Variants in FNIP2 observed in about 807,000 individuals in gnomAD.
FNIP2 encodes the protein folliculin-interacting protein 2.
In FNIP2, 32 loss-of-function variants were observed where a neutral mutation model predicts 108.7. The ratio of observed to expected loss-of-function variants is 0.29; its 90% confidence interval spans 0.22 to 0.40. The LOEUF (loss-of-function observed/expected upper bound fraction) is 0.40, where lower values mean the gene tolerates loss of function less well. Among genes scored for constraint, FNIP2 ranks in the 10% least tolerant of loss-of-function variants. The pLI is 1.00. For missense variants in FNIP2, 1,202 were observed against 1,381.6 expected, an observed-to-expected ratio of 0.87 and a Z score of 2.06; for synonymous variants, 480 against 496.7, an observed-to-expected ratio of 0.97 and a Z score of 0.45.
At chr4:158,829,039 A>G in intron 2 of FNIP2, 40 bp from the exon 3 acceptor site, 1 of 1,516,390 alleles carries the variant, frequency 6.6e-7, no homozygotes, top group East Asian at 2.4e-5. Flanking sequence ...AACCTGATAT[A>G]CTTAGTAATC....
intron 14 of FNIP2, among the ~76,000 whole-genome samples, chr4:158,876,960 C>T (rs1255570142): frequency 6.6e-6 from 1 of 152,196 alleles, no homozygotes; most frequent in East Asian, 1.9e-4. Context: ...TGCATCGTGT[C>T]AGAGTTAGAC....
At chr4:158,857,236 A>G (rs1465484180) in intron 8 of FNIP2, among the ~76,000 whole-genome samples, 2 of 152,244 alleles carry the variant, frequency 1.3e-5, no homozygotes, top group African/African-American at 4.8e-5. Context: ...AAGAAGGGAA[A>G]TGTAAGATGA....
At chr4:158,781,922 G>A (rs140522059) in intron 1 of FNIP2, among the ~76,000 whole-genome samples, 1 of 152,160 alleles carries the variant, frequency 6.6e-6, no homozygotes, top group East Asian at 1.9e-4. Context: ...CTGTAAAACA[G>A]GTGTAAAGTT....
At chr4:158,799,710 A>G (rs1313686206) in intron 1 of FNIP2, among the ~76,000 whole-genome samples, 1 of 152,190 alleles carries the variant, frequency 6.6e-6, no homozygotes, top group Non-Finnish European at 1.5e-5. Flanking sequence ...GTTATGTAAT[A>G]TTTTGTTGCT....
chr4:158,830,197 C>G (rs1778389224), intron 3 of FNIP2, among the ~76,000 whole-genome samples: 1 of 150,192 alleles, frequency 6.7e-6, no homozygotes, highest in African/African-American at 2.5e-5. Flanking sequence ...TTGGTTTGAG[C>G]TATAACGAGA....
intron 8 of FNIP2, among the ~76,000 whole-genome samples, chr4:158,852,881 TA>T (rs893011649): frequency 9.2e-5 from 14 of 152,270 alleles, no homozygotes; most frequent in African/African-American, 3.4e-4. Flanking sequence ...ATAATACACC[TA>T]AAATAAGTAT....
At chr4:158,828,482 G>A (rs1254079201) in intron 2 of FNIP2, among the ~76,000 whole-genome samples, 37 of 152,118 alleles carry the variant, frequency 2.4e-4, no homozygotes, top group Admixed American at 2.3e-3. Context: ...TGGGCGTGAT[G>A]GTGGGCACCT....
At chr4:158,829,314 T>C (rs1778335870) in intron 3 of FNIP2, 89 bp downstream of exon 3, 1 of 1,173,328 alleles carries the variant, frequency 8.5e-7, no homozygotes, top group Non-Finnish European at 1.2e-6. Flanking sequence ...GCTCGAGGGC[T>C]CTACTCCAGG....
intron 7 of FNIP2, among the ~76,000 whole-genome samples, chr4:158,845,014 A>T (rs894849637): frequency 6.6e-6 from 1 of 152,248 alleles, no homozygotes; most frequent in African/African-American, 2.4e-5. Flanking sequence ...GCTGGGCGTT[A>T]ACCAGATATA....
chr4:158,792,068 C>T (rs1415042428), intron 1 of FNIP2, among the ~76,000 whole-genome samples: 1 of 152,122 alleles, frequency 6.6e-6, no homozygotes, highest in African/African-American at 2.4e-5. Context: ...TGCACCACTG[C>T]ACTCCAGCCT....
intron 7 of FNIP2, among the ~76,000 whole-genome samples, chr4:158,847,058 C>G (rs1445493502): frequency 6.6e-6 from 1 of 152,174 alleles, no homozygotes; most frequent in Non-Finnish European, 1.5e-5. Flanking sequence ...TACTCCAGCC[C>G]TAGCCAGAAG....
At chr4:158,785,087 C>CTTTTTTTTTTTTTTTTTTTTT in intron 1 of FNIP2, among the ~76,000 whole-genome samples, 1 of 123,178 alleles carries the variant, frequency 8.1e-6, no homozygotes, top group Non-Finnish European at 1.6e-5. Flanking sequence ...TAAAGTTCCT[C>CTTTTTTTTTTTTTTTTTTTTT]TTTTTTTTTT....
intron 1 of FNIP2, among the ~76,000 whole-genome samples, chr4:158,777,756 G>A (rs550756402): frequency 6.6e-6 from 1 of 152,104 alleles, no homozygotes; most frequent in Admixed American, 6.5e-5. Flanking sequence ...CCTGCAGTGG[G>A]GTTGCCATAT....
intron 8 of FNIP2, among the ~76,000 whole-genome samples, chr4:158,854,041 A>G (rs1007855198): frequency 6.6e-6 from 1 of 152,242 alleles, no homozygotes; most frequent in African/African-American, 2.4e-5. Context: ...TTTGTCCAGT[A>G]TAACAATCTT....
At chr4:158,811,294 A>G in intron 1 of FNIP2, among the ~76,000 whole-genome samples, 1 of 152,068 alleles carries the variant, frequency 6.6e-6, no homozygotes, top group East Asian at 1.9e-4. Context: ...CTTTTTTCTC[A>G]CTATGCCATA....
Position 158,829,183 on chromosome 4 carries a change from G to T in FNIP2, c.339G>T (p.Gly113=). 6.2e-7 allele frequency: 1 copy of T among 1,612,672 alleles called. No individual in the cohort carries two copies. Among genetic ancestry groups the T allele is most frequent in the Non-Finnish European group, 8.5e-7 (1 of 1,179,344 alleles). ...GCATCTCTTCCCACAGTTCTTCTGG[G>T]GGATCTTCACATCATGCTAAGGAAC... ...SSSISSHSSS[G]GSSHHAKEQL... The change falls in exon 3 of 17, where the codon GGG becomes GGT. Residue 113 remains glycine, a synonymous_variant. Transcript: ENST00000264433.
intron 1 of FNIP2, among the ~76,000 whole-genome samples, chr4:158,802,404 G>T (rs1250070409): frequency 6.6e-6 from 1 of 151,512 alleles, no homozygotes; most frequent in African/African-American, 2.4e-5. Context: ...TTCAAGATTG[G>T]ACATACTGAG....
At chr4:158,772,723 C>T (rs1191646690) in intron 1 of FNIP2, among the ~76,000 whole-genome samples, 1 of 152,212 alleles carries the variant, frequency 6.6e-6, no homozygotes, top group Non-Finnish European at 1.5e-5. Flanking sequence ...CCACTTATCA[C>T]ATAGCATCTG....
intron 8 of FNIP2, among the ~76,000 whole-genome samples, chr4:158,858,130 G>T (rs1342330232): frequency 6.6e-6 from 1 of 152,128 alleles, no homozygotes; most frequent in Non-Finnish European, 1.5e-5. Context: ...ATGAGTAATT[G>T]TTATGTTGTA....
Sources: allele counts gnomAD v4.1 joint callset (sites outside exome capture counted in the v4.1 genomes callset), GRCh38; gene constraint gnomAD v4.1.1; transcripts MANE v1.5; gene names NCBI Gene and HGNC (gene_info 2026-07-23, HGNC 2026-07-21).